Variants in KDM3B observed in about 807,000 individuals in gnomAD.
KDM3B encodes the protein lysine-specific demethylase 3B.
Under a neutral mutation model 170.0 loss-of-function variants are expected in KDM3B, and 10 were observed. The observed-to-expected ratio is 0.06, with a 90% CI of 0.04 to 0.10. The LOEUF (loss-of-function observed/expected upper bound fraction) is 0.10, where lower values mean the gene tolerates loss of function less well. Ranked by LOEUF, KDM3B falls within the 10% of genes least tolerant of loss-of-function variation. KDM3B has a pLI of 1.00. For synonymous variants in KDM3B, 831 were observed against 834.8 expected (o/e 1.00, Z 0.08); for missense variants, 1,394 against 2,195.2 (o/e 0.64, Z 7.29).
At chr5:138,403,821 C>T (rs1434054683) in intron 11 of KDM3B, among the ~76,000 whole-genome samples, 1 of 143,012 alleles carries the variant, frequency 7.0e-6, no homozygotes, top group Non-Finnish European at 1.5e-5. Flanking sequence ...AGCAAGACCC[C>T]ATCTCAACCA....
intron 7 of KDM3B, 32 bp from the exon 8 acceptor site, chr5:138,390,981 A>C (rs772791178): frequency 5.3e-6 from 8 of 1,512,500 alleles, no homozygotes; most frequent in Non-Finnish European, 7.1e-6. Context: ...ATGAGAAGCC[A>C]GCATCACTAA....
At chr5:138,406,981 ATTTTTTTTTTTT>A (rs745918786) in intron 11 of KDM3B, among the ~76,000 whole-genome samples, 1 of 119,048 alleles carries the variant, frequency 8.4e-6, no homozygotes, top group African/African-American at 3.2e-5. Context: ...TATGCCAATA[ATTTTTTTTTTTT>A]TTTTTTTTTT....
At chr5:138,372,384 C>T (rs971151764) in intron 1 of KDM3B, among the ~76,000 whole-genome samples, 2 of 151,404 alleles carry the variant, frequency 1.3e-5, no homozygotes, top group African/African-American at 2.4e-5. Context: ...TGTGTAGATA[C>T]GAATTAGAAA....
chr5:138,359,736 C>T (rs1337701968), intron 1 of KDM3B, among the ~76,000 whole-genome samples: 1 of 152,122 alleles, frequency 6.6e-6, no homozygotes, highest in Non-Finnish European at 1.5e-5. Flanking sequence ...TTAAATGATG[C>T]TGTACATGTA....
intron 1 of KDM3B, among the ~76,000 whole-genome samples, chr5:138,369,451 A>G (rs1761821228): frequency 1.3e-5 from 2 of 151,814 alleles, no homozygotes; most frequent in Non-Finnish European, 1.5e-5. Context: ...ATGTAAGAAC[A>G]CTCCCTACTA....
chr5:138,411,085 C>T (rs867206378), intron 11 of KDM3B, among the ~76,000 whole-genome samples: 1 of 150,956 alleles, frequency 6.6e-6, no homozygotes, highest in South Asian at 2.1e-4. Context: ...AAAGGAGACT[C>T]CCTTTCCTGG....
intron 9 of KDM3B, among the ~76,000 whole-genome samples, chr5:138,394,705 C>T (rs917013891): frequency 7.9e-5 from 12 of 152,046 alleles, no homozygotes; most frequent in Non-Finnish European, 1.8e-4. Flanking sequence ...TTCCAAAGGC[C>T]TTGGTTTTTA....
intron 9 of KDM3B, chr5:138,397,851 ACT>A (rs1293583561): frequency 1.7e-5 from 3 of 173,872 alleles, no homozygotes; most frequent in African/African-American, 2.4e-5. Flanking sequence ...ACAGAGCAAG[ACT>A]CTGTCTTAAA....
At chr5:138,418,520 C>CA (rs1763167626) in intron 13 of KDM3B, among the ~76,000 whole-genome samples, 1 of 152,080 alleles carries the variant, frequency 6.6e-6, no homozygotes, top group African/African-American at 2.4e-5. Context: ...GTAGAGTTGA[C>CA]TATATAGAGT....
intron 8 of KDM3B, 94 bp from the exon 9 acceptor site, chr5:138,393,077 C>T (rs1487960672): frequency 2.9e-5 from 34 of 1,159,260 alleles, no homozygotes; most frequent in Non-Finnish European, 4.2e-5. Context: ...AGTAGCAACC[C>T]AGGTCAGAAC....
At chr5:138,419,726 C>CACATAT (rs1209877091) in intron 14 of KDM3B, among the ~76,000 whole-genome samples, 18 of 80,442 alleles carry the variant, frequency 2.2e-4, no homozygotes, top group African/African-American at 8.7e-4. Flanking sequence ...TATACACACA[C>CACATAT]ATACACACAC....
intron 19 of KDM3B, among the ~76,000 whole-genome samples, chr5:138,427,631 A>G (rs1461466200): frequency 6.6e-6 from 1 of 152,194 alleles, no homozygotes; most frequent in Non-Finnish European, 1.5e-5. Flanking sequence ...TCTGGGTGCC[A>G]TGCTACCCAG....
At chr5:138,371,950 G>A (rs901861176) in intron 1 of KDM3B, among the ~76,000 whole-genome samples, 4 of 152,216 alleles carry the variant, frequency 2.6e-5, no homozygotes, top group Admixed American at 1.3e-4. Context: ...GTGAAACTGC[G>A]TCTCTACAAA....
intron 3 of KDM3B, among the ~76,000 whole-genome samples, chr5:138,377,467 G>A (rs1316078623): frequency 6.6e-6 from 1 of 152,112 alleles, no homozygotes; most frequent in Admixed American, 6.5e-5. Context: ...CTGTCACCTA[G>A]GCTGGAATGC....
chr5:138,430,561 TA>T (rs1763504299), intron 22 of KDM3B, 136 bp downstream of exon 22: 7 of 843,188 alleles, frequency 8.3e-6, no homozygotes, highest in Non-Finnish European at 1.3e-5. Flanking sequence ...TTTATGCTTT[TA>T]TTTTCTTCCT....
At chr5:138,425,755 T>G (rs187273367) in intron 17 of KDM3B, 173 bp downstream of exon 17, 1 of 571,458 alleles carries the variant, frequency 1.7e-6, no homozygotes, top group East Asian at 3.1e-5. Context: ...CTCCTGTAAT[T>G]TCAGTCTTTT....
At chr5:138,421,542 C>T (rs569796066) in intron 15 of KDM3B, among the ~76,000 whole-genome samples, 7 of 152,328 alleles carry the variant, frequency 4.6e-5, no homozygotes, top group African/African-American at 1.2e-4. Flanking sequence ...GTTGCTTCCT[C>T]TGTTCTGAGC....
intron 1 of KDM3B, among the ~76,000 whole-genome samples, chr5:138,362,996 CT>C (rs1321985971): frequency 6.6e-6 from 1 of 151,666 alleles, no homozygotes; most frequent in Non-Finnish European, 1.5e-5. Flanking sequence ...TCACTGGGTT[CT>C]GGGTATTTAC....
At chr5:138,424,871 C>T (rs1350958095) in intron 16 of KDM3B, among the ~76,000 whole-genome samples, 1 of 152,186 alleles carries the variant, frequency 6.6e-6, no homozygotes, top group Non-Finnish European at 1.5e-5. Context: ...GTTCTGTGTT[C>T]TTAAAAAGGC....
Sources: gnomAD v4.1 joint callset for allele counts (sites outside exome capture counted in the v4.1 genomes callset) on GRCh38, gnomAD v4.1.1 for gene constraint, MANE v1.5 for transcripts, NCBI Gene and HGNC (gene_info 2026-07-23, HGNC 2026-07-21) for gene names.